Variants in LOXHD1 observed in about 807,000 individuals in gnomAD.
LOXHD1 encodes lipoxygenase homology PLAT domains 1.
LOXHD1 carries 205 observed loss-of-function variants against 248.2 expected under a neutral mutation model. The observed-to-expected ratio is 0.83, with a 90% CI of 0.74 to 0.93. The LOEUF (loss-of-function observed/expected upper bound fraction) is 0.93, where lower values mean the gene tolerates loss of function less well. Among genes scored for constraint, LOXHD1 ranks in the 40% least tolerant of loss-of-function variants. LOXHD1 has a pLI of 0.00. For synonymous variants in LOXHD1, 1,113 were observed against 1,162.8 expected (o/e 0.96, Z 0.87); for missense variants, 2,930 against 2,971.6 (o/e 0.99, Z 0.33).
intron 12 of LOXHD1, among the ~76,000 whole-genome samples, chr18:46,585,491 G>A (rs1413643919): frequency 1.3e-5 from 2 of 152,052 alleles, no homozygotes; most frequent in Non-Finnish European, 2.9e-5. Flanking sequence ...AAGAAAACAA[G>A]TGAAAAACAT....
chr18:46,581,828 A>G (rs2037968830), intron 12 of LOXHD1, among the ~76,000 whole-genome samples: 1 of 152,220 alleles, frequency 6.6e-6, no homozygotes. Context: ...ATCACATATA[A>G]GGGATGCTCA....
intron 37 of LOXHD1, among the ~76,000 whole-genome samples, chr18:46,489,996 C>G (rs962354788): frequency 2.6e-5 from 4 of 152,190 alleles, no homozygotes; most frequent in Non-Finnish European, 5.9e-5. Context: ...GGGCTTCCCT[C>G]GGAAGTGTGC....
chr18:46,548,349 G>T (rs2036937941), intron 21 of LOXHD1, among the ~76,000 whole-genome samples: 1 of 152,174 alleles, frequency 6.6e-6, no homozygotes, highest in African/African-American at 2.4e-5. Flanking sequence ...ATCCCTGTCT[G>T]AGTCCCACAT....
chr18:46,517,209 A>G (rs1415528729), intron 34 of LOXHD1, among the ~76,000 whole-genome samples: 4 of 152,182 alleles, frequency 2.6e-5, no homozygotes, highest in African/African-American at 9.7e-5. Flanking sequence ...GTGGCTGAAC[A>G]TGACAAACCA....
Position 46,607,393 on chromosome 18 carries a change from G to A in LOXHD1, c.760-3164C>T, listed in dbSNP as rs543707367. Among the ~76,000 whole-genome samples the A allele has an allele frequency of 2.8e-4, 41 of 147,732 alleles. No individual in the cohort carries two copies. The East Asian group carries it at 5.6e-3, about 20-fold the overall frequency. On this transcript the variant is annotated intron_variant, in intron 6 of 40. Coordinates refer to ENST00000642948, the MANE Select transcript of LOXHD1 (RefSeq NM_001384474.1). ...TGTACATATATACATATATACGTAC[G>A]TATATGTACATATATACATATATAT...
chr18:46,494,093 C>T (rs923497884), intron 37 of LOXHD1, among the ~76,000 whole-genome samples: 1 of 152,192 alleles, frequency 6.6e-6, no homozygotes, highest in African/African-American at 2.4e-5. Flanking sequence ...TCCCCAGGCT[C>T]TCAGCGTTTT....
At chr18:46,486,079 G>T (rs1318518984) in intron 38 of LOXHD1, among the ~76,000 whole-genome samples, 1 of 151,742 alleles carries the variant, frequency 6.6e-6, no homozygotes, top group Non-Finnish European at 1.5e-5. Flanking sequence ...AATTAAAATT[G>T]CTACCTGATC....
intron 29 of LOXHD1, among the ~76,000 whole-genome samples, chr18:46,526,465 G>A (rs1195579123): frequency 1.3e-5 from 2 of 152,214 alleles, no homozygotes; most frequent in African/African-American, 2.4e-5. Context: ...TAATACCACG[G>A]AATGGCTTAC....
chr18:46,524,006 G>T (rs2035705329), intron 31 of LOXHD1, among the ~76,000 whole-genome samples: 1 of 152,180 alleles, frequency 6.6e-6, no homozygotes, highest in South Asian at 2.1e-4. Flanking sequence ...GAACTTGCCA[G>T]GGAACTCTGA....
intron 1 of LOXHD1, among the ~76,000 whole-genome samples, chr18:46,655,761 C>A (rs2039173007): frequency 6.6e-6 from 1 of 152,204 alleles, no homozygotes; most frequent in African/African-American, 2.4e-5. Flanking sequence ...GGACTAAAGA[C>A]AAGTACAGCA....
intron 9 of LOXHD1, among the ~76,000 whole-genome samples, chr18:46,594,049 A>G (rs2144244928): frequency 6.6e-6 from 1 of 152,332 alleles, no homozygotes; most frequent in East Asian, 1.9e-4. Flanking sequence ...TTCAGAGTGC[A>G]CTGTAGTGAA....
At chr18:46,625,853 G>A (rs114216020) in intron 4 of LOXHD1, among the ~76,000 whole-genome samples, 11 of 152,096 alleles carry the variant, frequency 7.2e-5, no homozygotes, top group African/African-American at 1.9e-4. Flanking sequence ...GCCTCTCTAC[G>A]GAAGACCCCT....
At chr18:46,495,245 TAG>T (rs1300769932) in intron 37 of LOXHD1, among the ~76,000 whole-genome samples, 2 of 152,216 alleles carry the variant, frequency 1.3e-5, no homozygotes, top group Non-Finnish European at 2.9e-5. Flanking sequence ...CAAGATAAAT[TAG>T]AAAATAAATA....
At chr18:46,645,424 A>G (rs1226421480) in intron 2 of LOXHD1, among the ~76,000 whole-genome samples, 2 of 152,220 alleles carry the variant, frequency 1.3e-5, no homozygotes, top group African/African-American at 4.8e-5. Flanking sequence ...ATCGGGCTAA[A>G]ATGCCAGGCA....
chr18:46,614,977 C>T (rs1291812179), intron 5 of LOXHD1, among the ~76,000 whole-genome samples: 1 of 152,126 alleles, frequency 6.6e-6, no homozygotes. Context: ...TTAATTGCTG[C>T]TCTAATTTCT....
intron 23 of LOXHD1, among the ~76,000 whole-genome samples, 189 bp downstream of exon 23, chr18:46,545,128 A>G (rs1470629488): frequency 6.6e-6 from 1 of 152,224 alleles, no homozygotes; most frequent in African/African-American, 2.4e-5. Flanking sequence ...GAACAGAAAA[A>G]GAAAGCTGGC....
chr18:46,591,856 G>C, intron 12 of LOXHD1, 77 bp downstream of exon 12: 1 of 1,514,394 alleles, frequency 6.6e-7, no homozygotes, highest in Non-Finnish European at 9.0e-7. Flanking sequence ...AAGACTCTCA[G>C]CTCATAGGTC....
chr18:46,623,543 G>T (rs1183957247), intron 4 of LOXHD1, among the ~76,000 whole-genome samples: 1 of 152,236 alleles, frequency 6.6e-6, no homozygotes, highest in Non-Finnish European at 1.5e-5. Flanking sequence ...ACAGAGGGTT[G>T]TCTGTGCCCC....
At position 46,509,835 on chromosome 18, in the gene LOXHD1, G is replaced by A. The variant is rs546269896; in HGVS notation, c.5400-20C>T. 1.4e-5 allele frequency: 19 copies of A among 1,406,718 alleles called. No individual in the cohort carries two copies. Among genetic ancestry groups the A allele is most frequent in the South Asian group, 8.6e-5 (7 of 81,622 alleles). The allele number at this position is 1,406,718 out of a possible 1,614,324, so 87.1% of individuals were successfully genotyped here. On this transcript the variant is annotated intron_variant, in intron 34 of 40. Transcript: ENST00000642948. The stretch of plus-strand genomic sequence containing the variant: ...TCAAACCTGGGGGTGGAGAGGAGGG[G>A]CATGAAGAAGGGAAGCTGGCCATTG...
Sources: allele counts gnomAD v4.1 joint callset (sites outside exome capture counted in the v4.1 genomes callset), GRCh38; gene constraint gnomAD v4.1.1; transcripts MANE v1.5; gene names NCBI Gene and HGNC (gene_info 2026-07-23, HGNC 2026-07-21).